ZNF385D: variants seen among roughly 807,000 people sequenced by gnomAD.
The protein encoded by ZNF385D is zinc finger protein 659.
ZNF385D carries 15 observed loss-of-function variants against 35.8 expected under a neutral mutation model. The observed-to-expected ratio is 0.42, with a 90% CI of 0.28 to 0.64. ZNF385D has a LOEUF of 0.64. ZNF385D is among the 30% of genes least tolerant of loss of function. ZNF385D has a pLI of 0.23. For missense variants in ZNF385D, 474 were observed against 494.6 expected (o/e 0.96, Z 0.39); for synonymous variants, 212 against 186.8 (o/e 1.13, Z -1.10).
intron 3 of ZNF385D, among the ~76,000 whole-genome samples, chr3:21,980,935 T>C (rs1017439291): frequency 1.3e-5 from 2 of 152,334 alleles, no homozygotes; most frequent in East Asian, 1.9e-4. Flanking sequence ...CCATGGTATA[T>C]ATGTACCACA....
chr3:21,885,740 CTGTGTG>C (rs3074769), intron 3 of ZNF385D, among the ~76,000 whole-genome samples: 347 of 101,254 alleles, frequency 3.4e-3, no homozygotes, highest in Non-Finnish European at 5.0e-3. Flanking sequence ...GTGTCTGTGT[CTGTGTG>C]TGTGTGTGTG....
At chr3:21,694,465 A>T (rs917953910) in intron 1 of ZNF385D, among the ~76,000 whole-genome samples, 1 of 152,182 alleles carries the variant, frequency 6.6e-6, no homozygotes, top group African/African-American at 2.4e-5. Flanking sequence ...CTCCTGCTCA[A>T]TATGGCCTGA....
chr3:22,142,673 C>G (rs1704581535), intron 3 of ZNF385D, among the ~76,000 whole-genome samples: 1 of 152,032 alleles, frequency 6.6e-6, no homozygotes, highest in Non-Finnish European at 1.5e-5. Flanking sequence ...AGCCATCAGC[C>G]AAACAGCCTC....
intron 2 of ZNF385D, among the ~76,000 whole-genome samples, chr3:22,247,073 T>C (rs978971469): frequency 3.3e-5 from 5 of 152,168 alleles, no homozygotes; most frequent in Non-Finnish European, 2.9e-5. Flanking sequence ...GCAGTTTCAC[T>C]TGTTCATTCT....
At chr3:21,603,050 C>T (rs1422084417) in intron 2 of ZNF385D, among the ~76,000 whole-genome samples, 4 of 152,194 alleles carry the variant, frequency 2.6e-5, no homozygotes, top group Non-Finnish European at 4.4e-5. Flanking sequence ...CTACCCCAAA[C>T]TTACTATCAT....
intron 3 of ZNF385D, among the ~76,000 whole-genome samples, chr3:22,101,850 A>T (rs541914251): frequency 6.6e-6 from 1 of 152,070 alleles, no homozygotes; most frequent in African/African-American, 2.4e-5. Flanking sequence ...TCATCTGGTG[A>T]CTATATATTT....
intron 2 of ZNF385D, among the ~76,000 whole-genome samples, chr3:22,307,076 G>C (rs2125421169): frequency 6.6e-6 from 1 of 152,150 alleles, no homozygotes; most frequent in East Asian, 1.9e-4. Context: ...TTATTCCTCT[G>C]AAAACTAGGG....
At chr3:22,045,847 A>G (rs1268737889) in intron 3 of ZNF385D, among the ~76,000 whole-genome samples, 1 of 152,094 alleles carries the variant, frequency 6.6e-6, no homozygotes, top group Non-Finnish European at 1.5e-5. Flanking sequence ...CTTGAGAAGT[A>G]AAACTCAAAA....
chr3:21,763,691 G>A (rs937810365), intron 3 of ZNF385D, among the ~76,000 whole-genome samples: 1 of 151,988 alleles, frequency 6.6e-6, no homozygotes, highest in African/African-American at 2.4e-5. Context: ...CTCTCTGGAG[G>A]AAAAAACAAT....
chr3:22,305,098 G>A (rs1163682896), intron 2 of ZNF385D, among the ~76,000 whole-genome samples: 1 of 151,586 alleles, frequency 6.6e-6, no homozygotes, highest in Non-Finnish European at 1.5e-5. Flanking sequence ...TTTCGTCTTA[G>A]GTACCTTCCT....
intron 1 of ZNF385D, among the ~76,000 whole-genome samples, chr3:21,710,163 C>A (rs1194153890): frequency 6.6e-6 from 1 of 152,052 alleles, no homozygotes; most frequent in Non-Finnish European, 1.5e-5. Context: ...GAATAAAAGA[C>A]ATGAAGGAGT....
intron 2 of ZNF385D, among the ~76,000 whole-genome samples, chr3:22,262,585 A>T (rs1020805413): frequency 3.3e-5 from 5 of 152,018 alleles, no homozygotes; most frequent in African/African-American, 4.8e-5. Context: ...CAGTCTTAAC[A>T]TAAAAACATT....
intron 3 of ZNF385D, among the ~76,000 whole-genome samples, chr3:21,842,262 T>G (rs9861628): frequency 6.6e-6 from 1 of 151,766 alleles, no homozygotes; most frequent in Non-Finnish European, 1.5e-5. Context: ...TCTGGAACAA[T>G]AGAAATGCAA....
intron 3 of ZNF385D, among the ~76,000 whole-genome samples, chr3:22,074,346 T>C (rs1486797946): frequency 3.9e-5 from 6 of 152,022 alleles, no homozygotes; most frequent in Non-Finnish European, 7.4e-5. Context: ...TCAATAGCTG[T>C]AATTCTATCC....
intron 2 of ZNF385D, among the ~76,000 whole-genome samples, chr3:22,305,587 GAA>G (rs1703161829): frequency 6.6e-6 from 1 of 152,166 alleles, no homozygotes; most frequent in Non-Finnish European, 1.5e-5. Flanking sequence ...CATAGCACAG[GAA>G]AAAGAGTATG....
intron 3 of ZNF385D, among the ~76,000 whole-genome samples, chr3:21,883,546 C>A (rs988880651): frequency 6.6e-6 from 1 of 151,920 alleles, no homozygotes; most frequent in Admixed American, 6.6e-5. Flanking sequence ...CATGCTATTT[C>A]ATGAAGTGAA....
chr3:22,248,041 C>A (rs942705238), intron 2 of ZNF385D, among the ~76,000 whole-genome samples: 3 of 152,134 alleles, frequency 2.0e-5, no homozygotes, highest in Non-Finnish European at 4.4e-5. Context: ...GTCAACAAAA[C>A]AATGACAACA....
intron 3 of ZNF385D, among the ~76,000 whole-genome samples, chr3:22,059,324 AGTCT>A (rs759598665): frequency 5.3e-5 from 8 of 152,162 alleles, no homozygotes; most frequent in Non-Finnish European, 7.3e-5. Context: ...AGAAGTGTGT[AGTCT>A]GGGTGTTGGC....
At chr3:22,099,534 G>C (rs1701813637) in intron 3 of ZNF385D, among the ~76,000 whole-genome samples, 1 of 152,226 alleles carries the variant, frequency 6.6e-6, no homozygotes, top group East Asian at 1.9e-4. Flanking sequence ...AATGGGATTT[G>C]TAGGAAATGT....
Sources: allele counts gnomAD v4.1 joint callset (sites outside exome capture counted in the v4.1 genomes callset), GRCh38; gene constraint gnomAD v4.1.1; transcripts MANE v1.5; gene names NCBI Gene and HGNC (gene_info 2026-07-23, HGNC 2026-07-21).